Variants in CEP70 observed in about 807,000 individuals in gnomAD.
CEP70 encodes centrosomal protein of 70 kDa.
In CEP70, 70 loss-of-function variants were observed where a neutral mutation model predicts 90.9. That is an observed-to-expected ratio of 0.77 (90% CI 0.64 to 0.94). The LOEUF is 0.94. Ranked by LOEUF, CEP70 falls within the 40% of genes least tolerant of loss-of-function variation. The pLI is 0.00. For missense variants in CEP70, 648 were observed against 669.0 expected, an observed-to-expected ratio of 0.97 and a Z score of 0.35; for synonymous variants, 220 against 228.3, an observed-to-expected ratio of 0.96 and a Z score of 0.33.
rs894942395 is a variant in CEP70, at chr3:138,499,926, G to A, written c.1652+184C>T. On this transcript the variant is annotated intron_variant, in intron 16 of 17. Transcript: ENST00000264982. Reference sequence around the variant, plus strand: ...TAATTTCACCCCTCCAGGAACTCTCGATAATACTTATTTTAATTTTTATTG... The same window carrying A: ...TAATTTCACCCCTCCAGGAACTCTCAATAATACTTATTTTAATTTTTATTG... 162 of 531,952 alleles carry A rather than the reference G, an allele frequency of 3.0e-4. 2 individuals carry two copies. The South Asian group carries it at 3.8e-3, about 12-fold the overall frequency. The allele number at this position is 531,952 out of a possible 1,614,324, so 33.0% of individuals were successfully genotyped here. A position where few individuals can be genotyped will look rare whatever the true frequency, so the allele number is the denominator to read the frequency against.
intron 6 of CEP70, among the ~76,000 whole-genome samples, chr3:138,543,108 G>GA (rs1189237637): frequency 8.5e-5 from 13 of 152,326 alleles, no homozygotes; most frequent in African/African-American, 2.9e-4. Context: ...CCTGGCACTG[G>GA]CAGCCTGGCC....
intron 17 of CEP70, 59 bp from the exon 18 acceptor site, chr3:138,495,135 A>C: frequency 9.8e-7 from 1 of 1,018,378 alleles, no homozygotes; most frequent in Non-Finnish European, 1.5e-6. Context: ...GTAAACTCAC[A>C]TGAAACAAGA....
At chr3:138,537,395 C>T in intron 6 of CEP70, 48 bp from the exon 7 acceptor site, 1 of 1,287,360 alleles carries the variant, frequency 7.8e-7, no homozygotes, top group South Asian at 1.6e-5. Flanking sequence ...ACATCTAGGA[C>T]ATGCTATCCT....
chr3:138,500,161 T>C lies in CEP70; in HGVS notation c.1601A>G (p.Glu534Gly), dbSNP rs1306522848. ...TVGKLCRLINEDVNEQVMQVL... is the reference protein window; with the variant it reads ...TVGKLCRLINGDVNEQVMQVL... ...CTGCATAACCTGCTCATTCACATCTTCATTAATCAGCCTACAGAGTTTTCC... is the reference window on the plus strand; with the variant it reads ...CTGCATAACCTGCTCATTCACATCTCCATTAATCAGCCTACAGAGTTTTCC... The change falls in exon 16 of 18, where the codon GAA (glutamate) becomes GGA (glycine). Residue 534 changes from glutamate (E) to glycine (G), a missense_variant. Transcript: ENST00000264982. 2 of 1,613,980 alleles carry C rather than the reference T, an allele frequency of 1.2e-6. No homozygotes were observed. Among genetic ancestry groups the C allele is most frequent in the South Asian group, 2.2e-5 (2 of 91,076 alleles).
chr3:138,584,766 A>C (rs969569983), intron 2 of CEP70, among the ~76,000 whole-genome samples: 2 of 152,072 alleles, frequency 1.3e-5, no homozygotes, highest in South Asian at 2.1e-4. Flanking sequence ...TAAAAAAAAA[A>C]CCCTAAAAAA....
chr3:138,535,076 G>A (rs2038146606), intron 7 of CEP70, among the ~76,000 whole-genome samples: 1 of 151,924 alleles, frequency 6.6e-6, no homozygotes, highest in Admixed American at 6.6e-5. Context: ...CAAACTCTTC[G>A]GCCAATTTAA....
At chr3:138,549,954 A>G (rs180700046) in intron 6 of CEP70, among the ~76,000 whole-genome samples, 105 of 152,234 alleles carry the variant, frequency 6.9e-4, no homozygotes, top group African/African-American at 2.3e-3. Flanking sequence ...TTAGATCCAG[A>G]AGAGAAATAA....
At chr3:138,534,777 T>C (rs548170521) in intron 7 of CEP70, among the ~76,000 whole-genome samples, 3 of 152,332 alleles carry the variant, frequency 2.0e-5, no homozygotes, top group Non-Finnish European at 4.4e-5. Context: ...TGAAGGTGCC[T>C]AAGTATATAT....
chr3:138,527,282 C>G (rs2108826812), intron 10 of CEP70, among the ~76,000 whole-genome samples: 1 of 151,752 alleles, frequency 6.6e-6, no homozygotes, highest in South Asian at 2.1e-4. Flanking sequence ...CTCACCTCAG[C>G]CTCCTTAGTA....
At chr3:138,528,069 G>C (rs1471550588) in intron 10 of CEP70, among the ~76,000 whole-genome samples, 1 of 142,678 alleles carries the variant, frequency 7.0e-6, no homozygotes, top group Non-Finnish European at 1.5e-5. Flanking sequence ...TTTTGACACA[G>C]GGTCTCGCTC....
chr3:138,510,160 G>A (rs1272680924), intron 11 of CEP70, among the ~76,000 whole-genome samples: 1 of 151,790 alleles, frequency 6.6e-6, no homozygotes, highest in East Asian at 1.9e-4. Context: ...GCCACAGTGT[G>A]TGATACATGC....
rs200500267 is a variant in CEP70 at position 138,537,358 on chromosome 3, T to C, written c.466-11A>G. Reference sequence around the variant, plus strand: ...ATGCTGGCACTTCACCTATAAGATATTTTTTAAAAACATGATTATGATATG... The same window carrying C: ...ATGCTGGCACTTCACCTATAAGATACTTTTTAAAAACATGATTATGATATG... On this transcript the variant is annotated splice_polypyrimidine_tract_variant and intron_variant, in intron 6 of 17. Transcript: ENST00000264982. 5.1e-6 allele frequency: 8 copies of C among 1,553,430 alleles called. No individual in the cohort carries two copies. In the African/African-American group the frequency reaches 1.1e-4, roughly 22 times the overall value.
rs192926062 is a variant in CEP70 at position 138,496,247 on chromosome 3, G to A, written c.1733-1171C>T. On this transcript the variant is annotated intron_variant, in intron 17 of 17. Transcript: ENST00000264982. ...CTTGGATTCCAACTCTCTCCATTGT[G>A]TAGCTGGATCTTGGTTGCTCTTCAC... 1.1e-4 allele frequency: 107 copies of A among 985,400 alleles called. 1 individual carries two copies. The African/African-American group carries it at 1.8e-3, about 17-fold the overall frequency. 61.0% of individuals were successfully genotyped at this position (985,400 alleles called of 1,614,324 possible).
In CEP70 at chr3:138,537,115, T is replaced by TA. The variant is rs978715880; in HGVS notation, c.635+62dup. The TA allele has an allele frequency of 1.1e-5, 13 of 1,233,050 alleles. 1 individual carries two copies. The Admixed American group carries it at 3.7e-4, about 35-fold the overall frequency. The allele number at this position is 1,233,050 out of a possible 1,614,324, so 76.4% of individuals were successfully genotyped here. A position where few individuals can be genotyped will look rare whatever the true frequency, so the allele number is the denominator to read the frequency against. ...TAACCACCCCCAAGATAATATCAGG[T>TA]AAAACAAACAAACAAACACAACAAT... On this transcript the variant is annotated intron_variant, in intron 7 of 17. Transcript: ENST00000264982.
intron 11 of CEP70, among the ~76,000 whole-genome samples, chr3:138,519,827 T>C (rs1424782912): frequency 1.3e-5 from 2 of 152,030 alleles, no homozygotes; most frequent in African/African-American, 4.8e-5. Context: ...AATTCACACA[T>C]AACAATATTA....
chr3:138,499,245 T>C (rs954597692), intron 16 of CEP70, among the ~76,000 whole-genome samples: 13 of 140,750 alleles, frequency 9.2e-5, no homozygotes, highest in Admixed American at 8.4e-4. Context: ...TATGCTGTAA[T>C]ATAAAATTGG....
At chr3:138,527,134 T>C (rs543084087) in intron 10 of CEP70, among the ~76,000 whole-genome samples, 127 of 152,164 alleles carry the variant, frequency 8.3e-4, no homozygotes, top group Non-Finnish European at 1.6e-3. Context: ...GCAGGAGGGA[T>C]TACAAAAGGG....
chr3:138,508,353 C>A lies in CEP70; in HGVS notation c.1050+86G>T. ...AAATATGAGGTGCAAGTATTCCTTA[C>A]CAACTGATAATTTATTACACCACAA... On this transcript the variant is annotated intron_variant, in intron 12 of 17. Coordinates refer to ENST00000264982, the MANE Select transcript of CEP70 (RefSeq NM_024491.4). 5.9e-6 allele frequency: 5 copies of A among 842,424 alleles called. No homozygotes were observed. The Admixed American group carries it at 7.0e-5, about 12-fold the overall frequency. The allele number at this position is 842,424 out of a possible 1,614,324, so 52.2% of individuals were successfully genotyped here.
chr3:138,542,974 G>A lies in CEP70; in HGVS notation c.466-5627C>T, dbSNP rs77626759. On this transcript the variant is annotated intron_variant, in intron 6 of 17. Transcript: ENST00000264982. Reference sequence around the variant, plus strand: ...GTCTAGCTGAGCCTTGGGTTTTTACGGGCTCAGAAGGGAGGAAGTATGTGC... The same window carrying A: ...GTCTAGCTGAGCCTTGGGTTTTTACAGGCTCAGAAGGGAGGAAGTATGTGC... Among the ~76,000 whole-genome samples, 732 of 152,254 alleles carry A rather than the reference G, an allele frequency of 4.8e-3. 4 individuals carry two copies. The highest frequency in any genetic ancestry group is 0.017 in the African/African-American group (700 of 41,546).
Sources: allele counts gnomAD v4.1 joint callset (sites outside exome capture counted in the v4.1 genomes callset), GRCh38; gene constraint gnomAD v4.1.1; transcripts MANE v1.5; gene names NCBI Gene and HGNC (gene_info 2026-07-23, HGNC 2026-07-21).